Variants in ELP4 observed in about 807,000 individuals in gnomAD.
ELP4 encodes the protein elongator complex protein 4.
A neutral mutation model predicts 48.9 loss-of-function variants in ELP4; 51 were observed. The ratio of observed to expected loss-of-function variants is 1.04; its 90% confidence interval spans 0.83 to 1.32. ELP4 has a LOEUF of 1.32. ELP4 is among the 40% of genes most tolerant of loss of function. ELP4 has a pLI of 0.00. For synonymous variants in ELP4, 210 were observed against 189.2 expected (o/e 1.11, Z -0.90); for missense variants, 519 against 514.6 (o/e 1.01, Z -0.08).
At chr11:31,577,193 G>A (rs1378194401) in intron 3 of ELP4, among the ~76,000 whole-genome samples, 1 of 152,122 alleles carries the variant, frequency 6.6e-6, no homozygotes, top group Non-Finnish European at 1.5e-5. Flanking sequence ...AGAAGAAATG[G>A]ATAAATTCCT....
chr11:31,601,937 G>T (rs1957791966), intron 4 of ELP4, among the ~76,000 whole-genome samples: 1 of 151,952 alleles, frequency 6.6e-6, no homozygotes, highest in Non-Finnish European at 1.5e-5. Flanking sequence ...TAGGCACTCT[G>T]CTTATTCTTT....
intron 1 of ELP4, among the ~76,000 whole-genome samples, chr11:31,519,413 A>T (rs1956174434): frequency 6.6e-6 from 1 of 152,240 alleles, no homozygotes; most frequent in African/African-American, 2.4e-5. Flanking sequence ...GTATTGAGTT[A>T]ATTTATTAAC....
intron 3 of ELP4, among the ~76,000 whole-genome samples, chr11:31,544,482 A>G (rs1417222047): frequency 1.3e-5 from 2 of 152,224 alleles, no homozygotes; most frequent in African/African-American, 4.8e-5. Flanking sequence ...TTGCTTAGGT[A>G]AACAAAGCAG....
At chr11:31,682,656 A>C (rs1946077892) in intron 9 of ELP4, among the ~76,000 whole-genome samples, 1 of 152,208 alleles carries the variant, frequency 6.6e-6, no homozygotes, top group Non-Finnish European at 1.5e-5. Context: ...ATATACAAAT[A>C]TGTATTAACA....
At chr11:31,570,408 C>G (rs945811395) in intron 3 of ELP4, among the ~76,000 whole-genome samples, 18 of 151,400 alleles carry the variant, frequency 1.2e-4, no homozygotes, top group African/African-American at 4.4e-4. Flanking sequence ...GGGCATTATG[C>G]TCACTTCCAG....
At chr11:31,583,055 C>G (rs1554962358) in intron 3 of ELP4, among the ~76,000 whole-genome samples, 1 of 152,114 alleles carries the variant, frequency 6.6e-6, no homozygotes, top group Non-Finnish European at 1.5e-5. Flanking sequence ...TTCTCTTGCA[C>G]AGTTAGTTGG....
At chr11:31,598,075 C>T (rs984512648) in intron 4 of ELP4, among the ~76,000 whole-genome samples, 1 of 150,608 alleles carries the variant, frequency 6.6e-6, no homozygotes, top group African/African-American at 2.4e-5. Context: ...CCTGCCTCAG[C>T]GTGCCAAGTA....
Position 31,594,893 on chromosome 11 carries a change from A to G in ELP4, c.505A>G (p.Lys169Glu), listed in dbSNP as rs1189217173. 2.1e-5 allele frequency: 33 copies of G among 1,554,402 alleles called. No homozygotes were observed. The highest frequency in any genetic ancestry group is 2.8e-5 in the Non-Finnish European group (33 of 1,160,290). ...KIAWRYQLLP[K>E]MEIGPVSSSR... ...AGCTTGGCGTTACCAGTTATTACCC[A>G]AGATGGAGGCAAGTAAACATACAAA... Residue 169 changes from lysine to glutamate, a missense_variant, in exon 4 of 10, where the codon AAG becomes GAG. By Grantham distance (56) the Lys-to-Glu change is moderately conservative (BLOSUM62 1). Transcript: ENST00000640961.
At chr11:31,696,570 G>A (rs1036963525) in intron 9 of ELP4, among the ~76,000 whole-genome samples, 2 of 152,096 alleles carry the variant, frequency 1.3e-5, no homozygotes, top group Non-Finnish European at 2.9e-5. Flanking sequence ...CATTTGCTGA[G>A]GAGTGCTTTA....
chr11:31,709,257 C>G (rs184555744), intron 9 of ELP4, among the ~76,000 whole-genome samples: 4 of 152,034 alleles, frequency 2.6e-5, no homozygotes, highest in Non-Finnish European at 5.9e-5. Context: ...ATTGATGATA[C>G]GTCATATTAC....
chr11:31,750,499 G>A (rs1947696930), intron 9 of ELP4, among the ~76,000 whole-genome samples: 1 of 152,084 alleles, frequency 6.6e-6, no homozygotes, highest in Admixed American at 6.5e-5. Flanking sequence ...TGCAGTCAAA[G>A]GTTGTCAGAG....
intron 9 of ELP4, among the ~76,000 whole-genome samples, chr11:31,668,484 A>G (rs1945725996): frequency 6.6e-6 from 1 of 151,650 alleles, no homozygotes. Flanking sequence ...AATGTGTTGT[A>G]ATTCTTTTTT....
In ELP4 at chr11:31,783,684, A is replaced by G. The variant is rs189489742; in HGVS notation, c.*160A>G. On this transcript the variant is annotated 3_prime_UTR_variant, in exon 10 of 10. Transcript: ENST00000640961. ...CATTTCTCATTTTTTAACTTTTTACAGAACTAGCACAGCAGAAATACTTTT... is the reference window on the plus strand; with the variant it reads ...CATTTCTCATTTTTTAACTTTTTACGGAACTAGCACAGCAGAAATACTTTT... 3.0e-6 allele frequency: 2 copies of G among 657,616 alleles called. No individual in the cohort carries two copies. Among genetic ancestry groups the G allele is most frequent in the Admixed American group, 6.5e-5 (2 of 30,564 alleles). 40.7% of individuals were successfully genotyped at this position (657,616 alleles called of 1,614,324 possible).
intron 7 of ELP4, among the ~76,000 whole-genome samples, chr11:31,638,679 T>A (rs1336443879): frequency 6.6e-6 from 1 of 151,916 alleles, no homozygotes; most frequent in Non-Finnish European, 1.5e-5. Context: ...GCTTTGAACC[T>A]ACTGAAGTGA....
chr11:31,775,829 G>A (rs1183443733), intron 9 of ELP4, among the ~76,000 whole-genome samples: 1 of 152,112 alleles, frequency 6.6e-6, no homozygotes, highest in East Asian at 1.9e-4. Context: ...GCTGGGCGTG[G>A]TAGCACATGC....
At chr11:31,545,530 G>A (rs1046689687) in intron 3 of ELP4, among the ~76,000 whole-genome samples, 2 of 152,120 alleles carry the variant, frequency 1.3e-5, no homozygotes, top group African/African-American at 2.4e-5. Flanking sequence ...AAAGTGATGG[G>A]GAGAATGGAA....
At chr11:31,523,655 T>C (rs1210021127) in intron 2 of ELP4, among the ~76,000 whole-genome samples, 2 of 152,100 alleles carry the variant, frequency 1.3e-5, no homozygotes, top group African/African-American at 2.4e-5. Flanking sequence ...GAGGAATAAA[T>C]TGAAGAACTA....
intron 3 of ELP4, among the ~76,000 whole-genome samples, chr11:31,589,496 TAA>T (rs1254317317): frequency 4.6e-5 from 7 of 152,326 alleles, no homozygotes; most frequent in South Asian, 2.1e-4. Flanking sequence ...TACTGTACGA[TAA>T]GTCTCATATA....
intron 9 of ELP4, among the ~76,000 whole-genome samples, chr11:31,752,099 T>C (rs1947734098): frequency 6.6e-6 from 1 of 152,128 alleles, no homozygotes; most frequent in South Asian, 2.1e-4. Context: ...CTATTGCAGA[T>C]AGAAAAAAAA....
Sources: gnomAD v4.1 joint callset for allele counts (sites outside exome capture counted in the v4.1 genomes callset) on GRCh38, gnomAD v4.1.1 for gene constraint, MANE v1.5 for transcripts, NCBI Gene and HGNC (gene_info 2026-07-23, HGNC 2026-07-21) for gene names.